The following RFX2 variants were observed in gnomAD, a reference collection of about 807,000 sequenced individuals.
RFX2 encodes the protein regulatory factor X2.
In RFX2, 20 loss-of-function variants were observed where a neutral mutation model predicts 87.8. The ratio of observed to expected loss-of-function variants is 0.23; its 90% CI spans 0.16 to 0.33. The LOEUF (loss-of-function observed/expected upper bound fraction) is 0.33. Ranked by LOEUF, RFX2 falls within the 10% of genes least tolerant of loss-of-function variation. RFX2 has a pLI of 1.00. For missense variants in RFX2, 767 were observed against 1,012.3 expected, an observed-to-expected ratio of 0.76 and a Z score of 3.29; for synonymous variants, 397 against 431.3, an observed-to-expected ratio of 0.92 and a Z score of 0.98.
rs189922218 is a variant in RFX2, at chr19:6,059,695, G to A, written c.-8-12191C>T. Among the ~76,000 whole-genome samples, 115 of 152,098 alleles carry A rather than the reference G, an allele frequency of 7.6e-4. 2 individuals carry two copies. In the East Asian group the frequency reaches 0.016, roughly 21 times the overall value. Reference sequence around the variant, plus strand: ...ACAGACGCATGTATACACTCCCCACGTATGCATATACACAAATATACATGG... The same window carrying A: ...ACAGACGCATGTATACACTCCCCACATATGCATATACACAAATATACATGG... On this transcript the variant is annotated intron_variant, in intron 1 of 17. Coordinates refer to ENST00000303657, the MANE Select transcript of RFX2 (RefSeq NM_000635.4).
intron 6 of RFX2, among the ~76,000 whole-genome samples, chr19:6,019,621 C>T (rs1253066098): frequency 1.4e-5 from 2 of 145,978 alleles, no homozygotes; most frequent in African/African-American, 2.6e-5. Flanking sequence ...GATAGGGTCT[C>T]ATCCTGTCAC....
In RFX2 at chr19:6,040,154, C is replaced by A. The variant is rs750054520; in HGVS notation, c.348G>T (p.Gln116His). ...ASYFEAPGGA[Q>H]VTVAASSPPA... The stretch of plus-strand genomic sequence containing the variant: ...GCGGGGACGAGGCTGCCACGGTCAC[C>A]TGGGCACCGCCTGGGGCCTCGAAGT... The change falls in exon 5 of 18, where the codon CAG (glutamine) becomes CAT (histidine). Residue 116 changes from glutamine to histidine, a missense_variant. Around this residue, in one of 2 missense-constraint regions of RFX2, gnomAD observed 621 missense variants for 873.0 expected, o/e 0.71. Coordinates refer to ENST00000303657, the MANE Select transcript of RFX2 (RefSeq NM_000635.4). The surrounding 1 kb of genome is among the most constrained non-coding windows in gnomAD (Gnocchi z 6.1). 2 of 1,605,536 alleles carry A rather than the reference C, an allele frequency of 1.2e-6. No individual in the cohort carries two copies. Among genetic ancestry groups the A allele is most frequent in the Non-Finnish European group, 8.5e-7 (1 of 1,174,122 alleles).
At chr19:6,068,337 T>C (rs2087542947) in intron 1 of RFX2, 1 of 152,186 alleles carries the variant, frequency 6.6e-6, no homozygotes, top group African/African-American at 2.4e-5. Flanking sequence ...CATTGACCAG[T>C]CATCAAAACA....
chr19:6,016,161 C>G lies in RFX2; in HGVS notation c.708G>C (p.Val236=). The G allele has an allele frequency of 6.2e-7, 1 of 1,614,110 alleles. No homozygotes were observed. The highest frequency in any genetic ancestry group is 1.1e-5 in the South Asian group (1 of 91,062). The change falls in exon 7 of 18, where the codon GTG becomes GTC. Residue 236 remains valine (V), a synonymous_variant. Transcript: ENST00000303657. This position sits in a 1 kb window ranked among gnomAD's most constrained non-coding sequence, Gnocchi z 5.4. The part of the protein sequence containing the change: ...RHCQEHKLDP[V]NAASFGKLIR... Reference sequence around the variant, plus strand: ...TCAGTTTCCCGAAGGAGGCGGCGTTCACTGGGTCTAGCTTGTGCTCCTGGC... The same window carrying G: ...TCAGTTTCCCGAAGGAGGCGGCGTTGACTGGGTCTAGCTTGTGCTCCTGGC...
At chr19:6,072,601 A>G (rs532764511) in intron 1 of RFX2, among the ~76,000 whole-genome samples, 17 of 152,138 alleles carry the variant, frequency 1.1e-4, no homozygotes, top group Non-Finnish European at 2.2e-4. Context: ...GCTACTCAGG[A>G]GGCTGAGGCA....
chr19:6,047,077 T>C lies in RFX2; in HGVS notation c.90+330A>G, dbSNP rs1364382518. 6.6e-6 allele frequency among the ~76,000 whole-genome samples: 1 copy of C among 152,152 alleles called. No individual in the cohort carries two copies. Among genetic ancestry groups the C allele is most frequent in the Non-Finnish European group, 1.5e-5 (1 of 68,026 alleles). ...CACTGCACCCGGCCTTACTTCTTAA[T>C]TCTTAATAAAGCATTTCTGTGTAAA... On this transcript the variant is annotated intron_variant, in intron 2 of 17. Transcript: ENST00000303657. This position sits in a 1 kb window ranked among gnomAD's most constrained non-coding sequence, Gnocchi z 4.2.
At chr19:6,103,890 C>G (rs762937279) in intron 1 of RFX2, among the ~76,000 whole-genome samples, 1 of 152,136 alleles carries the variant, frequency 6.6e-6, no homozygotes, top group Non-Finnish European at 1.5e-5. Context: ...TCATCCCAGG[C>G]CACTTACTAC....
At chr19:6,031,308 A>G (rs1158455982) in intron 5 of RFX2, among the ~76,000 whole-genome samples, 3 of 152,106 alleles carry the variant, frequency 2.0e-5, no homozygotes, top group African/African-American at 7.2e-5. Context: ...CATCACACAC[A>G]ATAGTAAAGA....
chr19:6,058,580 C>T (rs973143622), intron 1 of RFX2, among the ~76,000 whole-genome samples: 25 of 151,110 alleles, frequency 1.7e-4, no homozygotes, highest in African/African-American at 5.1e-4. Flanking sequence ...CGGGGGTGCC[C>T]GTCATTCCTC....
In RFX2 at chr19:6,047,556, T is replaced by C; in HGVS notation, c.-8-52A>G. 7.0e-7 allele frequency: 1 copy of C among 1,432,560 alleles called. No individual in the cohort carries two copies. The highest frequency in any genetic ancestry group is 9.6e-7 in the Non-Finnish European group (1 of 1,036,778). 88.7% of individuals were successfully genotyped at this position (1,432,560 alleles called of 1,614,324 possible). A position where few individuals can be genotyped will look rare whatever the true frequency, so the allele number is the denominator to read the frequency against. ...TGGGCAAGGGCTGCAAGCACTGAAATCCGAAGAGGCAACTAACAAGTTCAA... is the reference window on the plus strand; with the variant it reads ...TGGGCAAGGGCTGCAAGCACTGAAACCCGAAGAGGCAACTAACAAGTTCAA... On this transcript the variant is annotated intron_variant, in intron 1 of 17. Coordinates refer to ENST00000303657, the MANE Select transcript of RFX2 (RefSeq NM_000635.4). This position sits in a 1 kb window ranked among gnomAD's most constrained non-coding sequence, Gnocchi z 4.2.
At position 5,999,298 on chromosome 19, in the gene RFX2, T is replaced by A. The variant is rs998261012; in HGVS notation, c.1860-2085A>T. ...AGAATGAAGTGGAACAGTGTCTCGG[T>A]CTCCCTTGTGAAGAGCACCCCCACC... On this transcript the variant is annotated intron_variant, in intron 15 of 17. Transcript: ENST00000303657. The surrounding 1 kb of genome is among the most constrained non-coding windows in gnomAD (Gnocchi z 4.1). Among the ~76,000 whole-genome samples, 2 of 151,958 alleles carry A rather than the reference T, an allele frequency of 1.3e-5. No individual in the cohort carries two copies. The highest frequency in any genetic ancestry group is 4.8e-5 in the African/African-American group (2 of 41,368).
At position 6,029,552 on chromosome 19, in the gene RFX2, T is replaced by A. The variant is rs181438246; in HGVS notation, c.523-3315A>T. Among the ~76,000 whole-genome samples, 23 of 152,018 alleles carry A rather than the reference T, an allele frequency of 1.5e-4. No homozygotes were observed. In the East Asian group the frequency reaches 4.4e-3, roughly 29 times the overall value. On this transcript the variant is annotated intron_variant, in intron 5 of 17. Coordinates refer to ENST00000303657, the MANE Select transcript of RFX2 (RefSeq NM_000635.4). Reference sequence around the variant, plus strand: ...GGTGAAACCCTGTCTCTACTAAAAATACAAAAATTAGCTAGGCGTGGTGGT... The same window carrying A: ...GGTGAAACCCTGTCTCTACTAAAAAAACAAAAATTAGCTAGGCGTGGTGGT...
At chr19:6,085,375 G>A (rs2087842745) in intron 1 of RFX2, among the ~76,000 whole-genome samples, 1 of 152,196 alleles carries the variant, frequency 6.6e-6, no homozygotes, top group Non-Finnish European at 1.5e-5. Flanking sequence ...AATGATAACT[G>A]GTATGAAGCA....
intron 1 of RFX2, chr19:6,072,751 A>G (rs1456149854): frequency 1.8e-6 from 1 of 562,678 alleles, no homozygotes; most frequent in African/African-American, 2.0e-5. Context: ...TAACAAAGAA[A>G]AAAGAGAAAA....
chr19:6,019,983 C>T (rs1475487165), intron 6 of RFX2: 4 of 152,322 alleles, frequency 2.6e-5, no homozygotes, highest in Admixed American at 6.5e-5. Context: ...GTGAAGAAGC[C>T]AGAGGCTTCC....
chr19:6,073,188 C>G (rs981427159), intron 1 of RFX2: 1 of 489,540 alleles, frequency 2.0e-6, no homozygotes, highest in East Asian at 4.3e-5. Context: ...CCATGTTGGC[C>G]AGGCTGGTCT....
rs548930172 is a variant in RFX2, at chr19:6,004,039, C to T, written c.1500+162G>A. ...TTGTTCCCCTTCCTGCCAGCACTGA[C>T]GCGTCACCGGCAGTGTGCTCAGGGC... is the stretch of plus-strand genomic sequence containing the variant. On this transcript the variant is annotated intron_variant, in intron 13 of 17. Coordinates refer to ENST00000303657, the MANE Select transcript of RFX2 (RefSeq NM_000635.4). This position sits in a 1 kb window ranked among gnomAD's most constrained non-coding sequence, Gnocchi z 4.8. Among the ~76,000 whole-genome samples the T allele has an allele frequency of 1.3e-4, 20 of 152,264 alleles. No individual in the cohort carries two copies. Among genetic ancestry groups the T allele is most frequent in the East Asian group, 1.9e-4 (1 of 5,180 alleles).
At chr19:6,100,797 T>C (rs1213690510) in intron 1 of RFX2, among the ~76,000 whole-genome samples, 1 of 152,164 alleles carries the variant, frequency 6.6e-6, no homozygotes, top group East Asian at 1.9e-4. Context: ...CTCATCAGTG[T>C]GAACCAAGGC....
At chr19:6,051,650 A>G (rs2087267723) in intron 1 of RFX2, among the ~76,000 whole-genome samples, 1 of 152,248 alleles carries the variant, frequency 6.6e-6, no homozygotes, top group Non-Finnish European at 1.5e-5. Context: ...TGGCACAAAT[A>G]GAAAGCAAAT....
Sources: allele counts gnomAD v4.1 joint callset (sites outside exome capture counted in the v4.1 genomes callset), GRCh38; gene constraint gnomAD v4.1.1; regional missense constraint gnomAD v4.1.1; non-coding constraint Gnocchi (gnomAD v3.1); transcripts MANE v1.5; gene names NCBI Gene and HGNC (gene_info 2026-07-23, HGNC 2026-07-21).